TNRC6B: variants seen among roughly 807,000 people sequenced by gnomAD.
The protein encoded by TNRC6B is trinucleotide repeat containing adaptor 6B, also known as trinucleotide repeat-containing gene 6B protein.
In TNRC6B, 52 loss-of-function variants were observed where a neutral mutation model predicts 203.6. The observed-to-expected ratio is 0.26, with a 90% confidence interval of 0.20 to 0.32. The LOEUF (loss-of-function observed/expected upper bound fraction) is 0.32. Among genes scored for constraint, TNRC6B ranks in the 10% least tolerant of loss-of-function variants. TNRC6B has a pLI of 1.00. For synonymous variants in TNRC6B, 838 were observed against 845.7 expected (o/e 0.99, Z 0.16); for missense variants, 1,923 against 2,286.2 (o/e 0.84, Z 3.24).
intron 1 of TNRC6B, among the ~76,000 whole-genome samples, chr22:40,239,504 G>C (rs2069997806): frequency 6.6e-6 from 1 of 152,232 alleles, no homozygotes; most frequent in Non-Finnish European, 1.5e-5. Context: ...GGATGGTGCT[G>C]TTGAAGCAAG....
chr22:40,185,102 T>C (rs1171886328), intron 1 of TNRC6B, among the ~76,000 whole-genome samples: 1 of 152,226 alleles, frequency 6.6e-6, no homozygotes, highest in African/African-American at 2.4e-5. Context: ...GCGATTCTCC[T>C]GTCTCAGCCT....
intron 12 of TNRC6B, among the ~76,000 whole-genome samples, chr22:40,291,156 T>C (rs1048621189): frequency 3.9e-5 from 6 of 152,210 alleles, no homozygotes. Context: ...GAGACCAAGA[T>C]GGGCAGATTG....
chr22:40,281,534 T>C (rs2070721360), intron 11 of TNRC6B, among the ~76,000 whole-genome samples: 1 of 152,060 alleles, frequency 6.6e-6, no homozygotes, highest in African/African-American at 2.4e-5. Context: ...CATAAGTTCA[T>C]ATTTAATAAG....
At chr22:40,089,061 T>C (rs1291329646) in intron 1 of TNRC6B, among the ~76,000 whole-genome samples, 1 of 152,098 alleles carries the variant, frequency 6.6e-6, no homozygotes, top group Non-Finnish European at 1.5e-5. Context: ...TTAGTACTAT[T>C]TTGAGATTGT....
chr22:40,067,665 C>G (rs1386116212), intron 1 of TNRC6B, among the ~76,000 whole-genome samples: 1 of 152,138 alleles, frequency 6.6e-6, no homozygotes, highest in Non-Finnish European at 1.5e-5. Context: ...AGTCCAAAGG[C>G]TGAAGATCGT....
upstream of TNRC6B, among the ~76,000 whole-genome samples, chr22:40,174,370 G>A (rs146527361): frequency 2.5e-3 from 383 of 151,876 alleles, 2 homozygotes; most frequent in African/African-American, 8.0e-3. Context: ...TAGTAGAAAC[G>A]GGATTTTGCC....
rs1260399090 is a variant in TNRC6B at position 40,335,486 on chromosome 22, A to C, written c.*12245A>C. The C allele has an allele frequency of 2.6e-5, 4 of 151,298 alleles. No individual in the cohort carries two copies. The highest frequency in any genetic ancestry group is 9.7e-5 in the African/African-American group (4 of 41,268). The allele number at this position is 151,298 out of a possible 1,614,324, so 9.4% of individuals were successfully genotyped here. A position where few individuals can be genotyped will look rare whatever the true frequency, so the allele number is the denominator to read the frequency against. On this transcript the variant is annotated 3_prime_UTR_variant, in exon 23 of 23. Coordinates refer to ENST00000454349, the MANE Select transcript of TNRC6B (RefSeq NM_001162501.2). Reference sequence around the variant, plus strand: ...TTCTCATGCTGGATTTCAAAAAAAAAAAAAAAAGTATCAAAAACAAAAAAA... The same window carrying C: ...TTCTCATGCTGGATTTCAAAAAAAACAAAAAAAGTATCAAAAACAAAAAAA...
intron 1 of TNRC6B, among the ~76,000 whole-genome samples, chr22:40,073,624 A>G (rs903088881): frequency 1.2e-4 from 18 of 152,308 alleles, no homozygotes; most frequent in African/African-American, 3.8e-4. Context: ...ATTAAGTGGT[A>G]CTAATATGGG....
intron 1 of TNRC6B, among the ~76,000 whole-genome samples, chr22:40,105,613 A>G (rs1461631923): frequency 1.3e-5 from 2 of 152,194 alleles, no homozygotes; most frequent in Non-Finnish European, 2.9e-5. Flanking sequence ...ATGTTGTTAC[A>G]TGTGGCTGTC....
chr22:40,290,368 G>A (rs2070853660), intron 12 of TNRC6B, among the ~76,000 whole-genome samples: 1 of 152,234 alleles, frequency 6.6e-6, no homozygotes, highest in Non-Finnish European at 1.5e-5. Context: ...TACTCTTTCA[G>A]CGGGAATCCC....
chr22:40,200,758 G>A (rs1173537339), intron 1 of TNRC6B, among the ~76,000 whole-genome samples: 1 of 152,108 alleles, frequency 6.6e-6, no homozygotes, highest in Admixed American at 6.6e-5. Context: ...CTAGGCACAG[G>A]CACACTGTAT....
intron 5 of TNRC6B, among the ~76,000 whole-genome samples, chr22:40,268,912 C>CAAAAAAAAA (rs1045950958): frequency 2.0e-5 from 3 of 148,996 alleles, no homozygotes; most frequent in East Asian, 2.0e-4. Flanking sequence ...GACTCCGTCT[C>CAAAAAAAAA]AAAAAATAAT....
At chr22:40,307,961 C>G (rs1425622271) in intron 15 of TNRC6B, among the ~76,000 whole-genome samples, 1 of 152,206 alleles carries the variant, frequency 6.6e-6, no homozygotes, top group Non-Finnish European at 1.5e-5. Context: ...CTCTCCGCCT[C>G]ACTTCATCCC....
At chr22:40,128,021 A>G (rs1019358022) in intron 3 of TNRC6B, among the ~76,000 whole-genome samples, 4 of 152,240 alleles carry the variant, frequency 2.6e-5, no homozygotes, top group Admixed American at 6.5e-5. Context: ...TTTTGGAAAA[A>G]TAAATGACTA....
chr22:40,331,645 ATTTTTT>A lies in TNRC6B; in HGVS notation c.*8424_*8429del, dbSNP rs10534254. Reference sequence around the variant, plus strand: ...ACTGAATTTAAGAAGAGGTTGTTGGATTTTTTTTTTTTTTTTTTTTTTTTTCAAAAA... The same window carrying A: ...ACTGAATTTAAGAAGAGGTTGTTGGATTTTTTTTTTTTTTTTTTTCAAAAA... On this transcript the variant is annotated 3_prime_UTR_variant, in exon 23 of 23. Coordinates refer to ENST00000454349, the MANE Select transcript of TNRC6B (RefSeq NM_001162501.2). The A allele has an allele frequency of 1.2e-3, 154 of 133,152 alleles. No individual in the cohort carries two copies. Among genetic ancestry groups the A allele is most frequent in the African/African-American group, 2.8e-3 (65 of 22,856 alleles). 8.2% of individuals were successfully genotyped at this position (133,152 alleles called of 1,614,324 possible). A position where few individuals can be genotyped will look rare whatever the true frequency, so the allele number is the denominator to read the frequency against.
At chr22:40,075,158 T>TATA (rs57939511) in intron 1 of TNRC6B, among the ~76,000 whole-genome samples, 71 of 57,024 alleles carry the variant, frequency 1.2e-3, no homozygotes, top group African/African-American at 6.7e-3. Context: ...ATATATATAT[T>TATA]TTTTTTTTTT....
intron 3 of TNRC6B, among the ~76,000 whole-genome samples, chr22:40,148,809 A>G (rs1256944719): frequency 1.3e-5 from 2 of 152,194 alleles, no homozygotes; most frequent in African/African-American, 2.4e-5. Flanking sequence ...AACTTTGGAC[A>G]TAGAAACACA....
At chr22:40,231,674 G>A (rs1379284897) in intron 1 of TNRC6B, among the ~76,000 whole-genome samples, 1 of 152,126 alleles carries the variant, frequency 6.6e-6, no homozygotes, top group Non-Finnish European at 1.5e-5. Context: ...TTCCAAATAG[G>A]AAAGATTTTA....
intron 1 of TNRC6B, among the ~76,000 whole-genome samples, chr22:40,075,156 A>ATATATATATATATATATATATATTT: frequency 8.4e-5 from 3 of 35,556 alleles, no homozygotes; most frequent in Non-Finnish European, 1.6e-4. Flanking sequence ...ATATATATAT[A>ATATATATATATATATATATATATTT]TTTTTTTTTT....
Sources: gnomAD v4.1 joint callset for allele counts (sites outside exome capture counted in the v4.1 genomes callset) on GRCh38, gnomAD v4.1.1 for gene constraint, MANE v1.5 for transcripts, NCBI Gene and HGNC (gene_info 2026-07-23, HGNC 2026-07-21) for gene names.